RNF150: variants seen among roughly 807,000 people sequenced by gnomAD.
RNF150 encodes the protein ring finger protein 150.
A neutral mutation model predicts 39.3 loss-of-function variants in RNF150; 24 were observed. The ratio of observed to expected loss-of-function variants is 0.61; its 90% CI spans 0.44 to 0.86. RNF150 has a LOEUF of 0.86. Ranked by LOEUF, RNF150 falls within the 40% of genes least tolerant of loss-of-function variation. RNF150 has a pLI of 0.00. For synonymous variants in RNF150, 255 were observed against 227.3 expected, an observed-to-expected ratio of 1.12 and a Z score of -1.10; for missense variants, 502 against 587.8, an observed-to-expected ratio of 0.85 and a Z score of 1.51.
intron 1 of RNF150, among the ~76,000 whole-genome samples, chr4:141,060,740 C>T (rs1228526350): frequency 6.6e-6 from 1 of 152,146 alleles, no homozygotes; most frequent in Non-Finnish European, 1.5e-5. Context: ...GGAACCAACC[C>T]AAATGTCCAT....
At chr4:140,905,646 C>T (rs996416481) in intron 6 of RNF150, among the ~76,000 whole-genome samples, 4 of 152,122 alleles carry the variant, frequency 2.6e-5, no homozygotes, top group African/African-American at 9.7e-5. Context: ...GAGAAAGGCA[C>T]CTCCCAATCC....
intron 6 of RNF150, among the ~76,000 whole-genome samples, chr4:140,875,865 C>T (rs545894748): frequency 6.6e-6 from 1 of 152,300 alleles, no homozygotes; most frequent in African/African-American, 2.4e-5. Flanking sequence ...AGAAAACTAT[C>T]CTTCCCTGAA....
chr4:140,990,697 T>C (rs1411325699), intron 1 of RNF150, among the ~76,000 whole-genome samples: 2 of 152,248 alleles, frequency 1.3e-5, no homozygotes, highest in Admixed American at 1.3e-4. Flanking sequence ...TAGTATTCCA[T>C]GGTGTATATG....
chr4:140,875,375 C>T (rs765141784), intron 6 of RNF150, among the ~76,000 whole-genome samples: 49 of 152,024 alleles, frequency 3.2e-4, no homozygotes, highest in African/African-American at 8.9e-4. Context: ...TGGAGTCTCA[C>T]GATGTTGCCC....
At chr4:140,965,761 G>A (rs1579010705) in intron 2 of RNF150, among the ~76,000 whole-genome samples, 1 of 152,156 alleles carries the variant, frequency 6.6e-6, no homozygotes, top group East Asian at 1.9e-4. Flanking sequence ...TGGGGGAGTG[G>A]AGAGAAAATG....
intron 5 of RNF150, among the ~76,000 whole-genome samples, chr4:140,921,985 A>G (rs1163682112): frequency 6.7e-6 from 1 of 148,704 alleles, no homozygotes; most frequent in Non-Finnish European, 1.5e-5. Context: ...AATAAGAGCT[A>G]TCTATGACAA....
chr4:141,132,654 G>A lies in RNF150; in HGVS notation c.155C>T (p.Ala52Val). Reference protein sequence around the residue: ...AFVNITYAEPAPDPGAGAAGG... With the variant: ...AFVNITYAEPVPDPGAGAAGG... Reference sequence around the variant, plus strand: ...CGCCGCCCCGGCCCCGGGGTCCGGCGCGGGCTCGGCGTAGGTGATGTTCAC... The same window carrying A: ...CGCCGCCCCGGCCCCGGGGTCCGGCACGGGCTCGGCGTAGGTGATGTTCAC... Residue 52 changes from alanine (A) to valine (V), a missense_variant, in exon 1 of 7, where the codon GCG becomes GTG. Coordinates refer to ENST00000515673, the MANE Select transcript of RNF150 (RefSeq NM_020724.2). The surrounding 1 kb of genome is among the most constrained non-coding windows in gnomAD (Gnocchi z 4.9). The A allele has an allele frequency of 6.2e-7, 1 of 1,602,274 alleles. No homozygotes were observed. The highest frequency in any genetic ancestry group is 8.5e-7 in the Non-Finnish European group (1 of 1,175,596).
At chr4:141,166,557 A>G (rs1332605794) in intron 1 of RNF150, among the ~76,000 whole-genome samples, 1 of 152,218 alleles carries the variant, frequency 6.6e-6, no homozygotes, top group East Asian at 1.9e-4. Flanking sequence ...AATACTGGCA[A>G]ACCAAATCCA....
At position 140,940,397 on chromosome 4, in the gene RNF150, G is replaced by C. The variant is rs1017771095; in HGVS notation, c.890+7257C>G. ...ATTTATAATAGCAGAAAAAGTGTGT[G>C]TGTGTGTGTGTGTATAACAATTGAA... On this transcript the variant is annotated intron_variant, in intron 4 of 6. Transcript: ENST00000515673. 6.7e-4 allele frequency among the ~76,000 whole-genome samples: 102 copies of C among 152,088 alleles called. 2 individuals carry two copies. The highest frequency in any genetic ancestry group is 2.7e-3 in the Admixed American group (41 of 15,276).
chr4:141,174,401 C>T (rs1727775687), intron 1 of RNF150, among the ~76,000 whole-genome samples: 1 of 152,166 alleles, frequency 6.6e-6, no homozygotes, highest in South Asian at 2.1e-4. Flanking sequence ...GAGTGCCATA[C>T]TAGCTCTGGT....
chr4:141,186,484 C>T (rs1036211222), intron 1 of RNF150, among the ~76,000 whole-genome samples: 16 of 152,014 alleles, frequency 1.1e-4, no homozygotes, highest in South Asian at 2.1e-4. Flanking sequence ...CTGCAAGCTC[C>T]GCCTCCCGGG....
intron 1 of RNF150, among the ~76,000 whole-genome samples, chr4:141,001,613 A>G (rs1331188293): frequency 6.6e-6 from 1 of 152,110 alleles, no homozygotes; most frequent in Non-Finnish European, 1.5e-5. Context: ...ATCCAAAACC[A>G]TGTGCTTACA....
chr4:141,023,391 G>A (rs1003709387), intron 1 of RNF150, among the ~76,000 whole-genome samples: 11 of 150,804 alleles, frequency 7.3e-5, no homozygotes, highest in Non-Finnish European at 1.0e-4. Context: ...GACTACAGGC[G>A]TGCACCACCA....
chr4:141,088,960 G>A lies in RNF150; in HGVS notation c.484+43365C>T, dbSNP rs147127346. On this transcript the variant is annotated intron_variant, in intron 1 of 6. Coordinates refer to ENST00000515673, the MANE Select transcript of RNF150 (RefSeq NM_020724.2). ...GGAGAAAACCAGACCTCAGCTTCTAGTATTTTACATAATTGCTAACAAAGT... is the reference window on the plus strand; with the variant it reads ...GGAGAAAACCAGACCTCAGCTTCTAATATTTTACATAATTGCTAACAAAGT... Among the ~76,000 whole-genome samples the A allele has an allele frequency of 5.0e-3, 766 of 152,220 alleles. 3 individuals are homozygous for A. Among genetic ancestry groups the A allele is most frequent in the Middle Eastern group, 6.8e-3 (2 of 294 alleles).
intron 6 of RNF150, among the ~76,000 whole-genome samples, chr4:140,907,087 C>T (rs1730409553): frequency 6.6e-6 from 1 of 152,216 alleles, no homozygotes; most frequent in African/African-American, 2.4e-5. Context: ...GTCTGTTTCG[C>T]TGTGTTTTCC....
At chr4:140,873,297 C>G (rs1445953136) in intron 6 of RNF150, among the ~76,000 whole-genome samples, 1 of 152,166 alleles carries the variant, frequency 6.6e-6, no homozygotes, top group Non-Finnish European at 1.5e-5. Flanking sequence ...CAGGTCATCA[C>G]AGTCACCAAA....
At chr4:141,173,711 G>A (rs1727765647) in intron 1 of RNF150, among the ~76,000 whole-genome samples, 1 of 152,060 alleles carries the variant, frequency 6.6e-6, no homozygotes, top group African/African-American at 2.4e-5. Flanking sequence ...GTTAAATAGT[G>A]TTTTTACACT....
rs141360166 is a variant in RNF150, at chr4:141,127,994, T to C, written c.484+4331A>G. 2.2e-3 allele frequency among the ~76,000 whole-genome samples: 340 copies of C among 152,288 alleles called. 5 individuals carry two copies. The highest frequency in any genetic ancestry group is 7.8e-3 in the African/African-American group (326 of 41,560). ...AAAGTACAAACTCAATAGGAGAATC[T>C]TAAATGTTCATCAATCAAAGGGAAC... On this transcript the variant is annotated intron_variant, in intron 1 of 6. Coordinates refer to ENST00000515673, the MANE Select transcript of RNF150 (RefSeq NM_020724.2).
intron 1 of RNF150, among the ~76,000 whole-genome samples, chr4:141,061,821 T>C (rs1299762948): frequency 6.6e-6 from 1 of 152,182 alleles, no homozygotes; most frequent in Non-Finnish European, 1.5e-5. Flanking sequence ...ATTTAACTTA[T>C]AGCATATTCT....
Sources: allele counts gnomAD v4.1 joint callset (sites outside exome capture counted in the v4.1 genomes callset), GRCh38; gene constraint gnomAD v4.1.1; non-coding constraint Gnocchi (gnomAD v3.1); transcripts MANE v1.5; gene names NCBI Gene and HGNC (gene_info 2026-07-23, HGNC 2026-07-21).